Variants in TBC1D24 observed in about 807,000 individuals in gnomAD.
TBC1D24 encodes Infantile myoclonic epilepsy.
A neutral mutation model predicts 50.7 loss-of-function variants in TBC1D24; 47 were observed. That is an observed-to-expected ratio of 0.93 (90% CI 0.73 to 1.18). The LOEUF is 1.18. TBC1D24 is among the 50% of genes most tolerant of loss of function. TBC1D24 has a pLI of 0.00. For synonymous variants in TBC1D24, 324 were observed against 335.2 expected (o/e 0.97, Z 0.36); for missense variants, 688 against 766.5 (o/e 0.90, Z 1.21).
Position 2,498,442 on chromosome 16 carries a change from C to T in TBC1D24, c.1142+46C>T, listed in dbSNP as rs752291350. On this transcript the variant is annotated intron_variant, in intron 4 of 7. Transcript: ENST00000646147. ...AGCGGGCGGCAGAGCCGCCCAGCCA[C>T]GTGTCCTGCCCACAGAGGCTGGAAA... is the stretch of plus-strand genomic sequence containing the variant. 7.7e-6 allele frequency: 12 copies of T among 1,552,058 alleles called. No homozygotes were observed. The East Asian group carries it at 1.2e-4, about 15-fold the overall frequency.
intron 1 of TBC1D24, among the ~76,000 whole-genome samples, chr16:2,492,140 G>C (rs2065700433): frequency 6.6e-6 from 1 of 152,142 alleles, no homozygotes; most frequent in Non-Finnish European, 1.5e-5. Flanking sequence ...TTGCTGGCCT[G>C]GACCTGGTTT....
At position 2,485,766 on chromosome 16, in the gene TBC1D24, C is replaced by G. The variant is rs1384130275; in HGVS notation, c.-115-10268C>G. Among the ~76,000 whole-genome samples, 2 of 152,182 alleles carry G rather than the reference C, an allele frequency of 1.3e-5. No homozygotes were observed. Among genetic ancestry groups the G allele is most frequent in the African/African-American group, 4.8e-5 (2 of 41,440 alleles). ...TGGATTGCTTGCTGCCGGGAGAAAC[C>G]CCCGCATCTTCTGGGTCGCAGATCC... On this transcript the variant is annotated intron_variant, in intron 1 of 7. Coordinates refer to ENST00000646147, the MANE Select transcript of TBC1D24 (RefSeq NM_001199107.2). This position sits in a 1 kb window ranked among gnomAD's most constrained non-coding sequence, Gnocchi z 4.6.
rs2065791155 is a variant in TBC1D24, at chr16:2,501,168, CAG to C, written c.*213_*214del. The C allele has an allele frequency of 1.6e-6, 1 of 640,016 alleles. No homozygotes were observed. Among genetic ancestry groups the C allele is most frequent in the African/African-American group, 1.8e-5 (1 of 54,600 alleles). 39.6% of individuals were successfully genotyped at this position (640,016 alleles called of 1,614,324 possible). A position where few individuals can be genotyped will look rare whatever the true frequency, so the allele number is the denominator to read the frequency against. On this transcript the variant is annotated 3_prime_UTR_variant, in exon 8 of 8. Transcript: ENST00000646147. ...TTCCCCAGTCCACCTGCATCTGGGT[CAG>C]AGCTGGAGGGCCTGCTGTGCCCCCA...
In TBC1D24 at chr16:2,499,457, G is replaced by A; in HGVS notation, c.1206+37G>A. On this transcript the variant is annotated intron_variant, in intron 5 of 7. Transcript: ENST00000646147. This position sits in a 1 kb window ranked among gnomAD's most constrained non-coding sequence, Gnocchi z 4.0. Reference sequence around the variant, plus strand: ...CCCTGGAGCCAGGGCTGGCTCTGATGGGCTCCAGGGCTGGCTCTGATGGGC... The same window carrying A: ...CCCTGGAGCCAGGGCTGGCTCTGATAGGCTCCAGGGCTGGCTCTGATGGGC... The A allele has an allele frequency of 6.4e-7, 1 of 1,567,310 alleles. No homozygotes were observed. The highest frequency in any genetic ancestry group is 8.7e-7 in the Non-Finnish European group (1 of 1,144,988).
Position 2,485,859 on chromosome 16 carries a change from A to G in TBC1D24, c.-115-10175A>G, listed in dbSNP as rs1365507789. On this transcript the variant is annotated intron_variant, in intron 1 of 7. Coordinates refer to ENST00000646147, the MANE Select transcript of TBC1D24 (RefSeq NM_001199107.2). This position sits in a 1 kb window ranked among gnomAD's most constrained non-coding sequence, Gnocchi z 4.6. ...GTATGAGAGTTTTTCCAAAGAGTCC[A>G]GACACGCTTCCAGGCCCTCTCAGCC... Among the ~76,000 whole-genome samples, 1 of 152,210 alleles carries G rather than the reference A, an allele frequency of 6.6e-6. No individual in the cohort carries two copies. The highest frequency in any genetic ancestry group is 1.9e-4 in the East Asian group (1 of 5,196).
rs1231895398 is a variant in TBC1D24 at position 2,499,250 on chromosome 16, C to T, written c.1143-107C>T. 4 of 1,000,850 alleles carry T rather than the reference C, an allele frequency of 4.0e-6. No homozygotes were observed. The highest frequency in any genetic ancestry group is 2.0e-4 in the Middle Eastern group (1 of 4,904). The allele number at this position is 1,000,850 out of a possible 1,614,324, so 62.0% of individuals were successfully genotyped here. On this transcript the variant is annotated intron_variant, in intron 4 of 7. Coordinates refer to ENST00000646147, the MANE Select transcript of TBC1D24 (RefSeq NM_001199107.2). The surrounding 1 kb of genome is among the most constrained non-coding windows in gnomAD (Gnocchi z 4.0). The stretch of plus-strand genomic sequence containing the variant: ...TTGTCGGGACCCAGAGAGAAGGAAG[C>T]ACAGTTCCCAGGTCTTCGCCCCAAG...
chr16:2,499,429 G>A lies in TBC1D24; in HGVS notation c.1206+9G>A, dbSNP rs758387784. On this transcript the variant is annotated intron_variant, in intron 5 of 7. Coordinates refer to ENST00000646147, the MANE Select transcript of TBC1D24 (RefSeq NM_001199107.2). This position sits in a 1 kb window ranked among gnomAD's most constrained non-coding sequence, Gnocchi z 4.0. ...AGACCACGCAGAAGGAGGTGAGCAG[G>A]GGCCCTGGAGCCAGGGCTGGCTCTG... 1.2e-6 allele frequency: 2 copies of A among 1,612,788 alleles called. No individual in the cohort carries two copies. Among genetic ancestry groups the A allele is most frequent in the Non-Finnish European group, 8.5e-7 (1 of 1,179,552 alleles).
At chr16:2,498,502 C>A in intron 4 of TBC1D24, 106 bp downstream of exon 4, 1 of 1,089,574 alleles carries the variant, frequency 9.2e-7, no homozygotes, top group Non-Finnish European at 1.3e-6. Context: ...TGAGGCCCTG[C>A]TTCTTCCTGT....
chr16:2,497,365 G>A (rs952607714), intron 2 of TBC1D24, among the ~76,000 whole-genome samples: 1 of 152,232 alleles, frequency 6.6e-6, no homozygotes, highest in Non-Finnish European at 1.5e-5. Context: ...CCATGGGGTC[G>A]CAAGGCATCG....
intron 1 of TBC1D24, chr16:2,484,791 G>C (rs1255916686): frequency 6.6e-6 from 1 of 152,266 alleles, no homozygotes; most frequent in East Asian, 1.9e-4. Context: ...GGATTTATTT[G>C]TGTCTCTGAG....
rs76452496 is a variant in TBC1D24, at chr16:2,495,362, A to G, written c.-115-672A>G. On this transcript the variant is annotated intron_variant, in intron 1 of 7. Coordinates refer to ENST00000646147, the MANE Select transcript of TBC1D24 (RefSeq NM_001199107.2). The stretch of plus-strand genomic sequence containing the variant: ...GACCTTGTCTCAAACAAAACAAAAC[A>G]AGGCCGGGCACAGTGGCTCATGCCT... 9.9e-3 allele frequency among the ~76,000 whole-genome samples: 1,509 copies of G among 152,166 alleles called. 23 individuals carry two copies. The highest frequency in any genetic ancestry group is 0.035 in the African/African-American group (1,458 of 41,522).
intron 1 of TBC1D24, among the ~76,000 whole-genome samples, chr16:2,476,366 C>A (rs1048924306): frequency 3.7e-4 from 56 of 152,294 alleles, no homozygotes; most frequent in African/African-American, 1.3e-3. Context: ...GCGGCGAAGA[C>A]AAGCAGTCAG....
rs916582817 is a variant in TBC1D24 at position 2,485,965 on chromosome 16, G to A, written c.-115-10069G>A. Among the ~76,000 whole-genome samples the A allele has an allele frequency of 1.3e-5, 2 of 152,178 alleles. No individual in the cohort carries two copies. Among genetic ancestry groups the A allele is most frequent in the Non-Finnish European group, 2.9e-5 (2 of 68,032 alleles). On this transcript the variant is annotated intron_variant, in intron 1 of 7. Transcript: ENST00000646147. This position sits in a 1 kb window ranked among gnomAD's most constrained non-coding sequence, Gnocchi z 4.6. Reference sequence around the variant, plus strand: ...GTTTCCGGGCACTCCGAGCTTCCCTGGCAGGCAACAAAGCTCTCATCCCTG... The same window carrying A: ...GTTTCCGGGCACTCCGAGCTTCCCTAGCAGGCAACAAAGCTCTCATCCCTG...
rs1249410175 is a variant in TBC1D24 at position 2,500,538 on chromosome 16, C to G, written c.1525+48C>G. 2 of 1,517,584 alleles carry G rather than the reference C, an allele frequency of 1.3e-6. No homozygotes were observed. Among genetic ancestry groups the G allele is most frequent in the Admixed American group, 3.9e-5 (2 of 50,742 alleles). 94.0% of individuals were successfully genotyped at this position (1,517,584 alleles called of 1,614,324 possible). On this transcript the variant is annotated intron_variant, in intron 7 of 7. Coordinates refer to ENST00000646147, the MANE Select transcript of TBC1D24 (RefSeq NM_001199107.2). The surrounding 1 kb of genome is among the most constrained non-coding windows in gnomAD (Gnocchi z 8.0). Reference sequence around the variant, plus strand: ...CTGGGATGAGGGTGTGGGGTCCGGGCAGCTGAAGCTGCTGCACCCAGCCCT... The same window carrying G: ...CTGGGATGAGGGTGTGGGGTCCGGGGAGCTGAAGCTGCTGCACCCAGCCCT...
intron 1 of TBC1D24, among the ~76,000 whole-genome samples, chr16:2,492,090 T>A (rs1305754874): frequency 6.6e-6 from 1 of 152,150 alleles, no homozygotes; most frequent in Non-Finnish European, 1.5e-5. Flanking sequence ...TCCTCCTGCC[T>A]GAGCCTCCCA....
At chr16:2,495,866 C>G (rs1417253158) in intron 1 of TBC1D24, among the ~76,000 whole-genome samples, 168 bp from the exon 2 acceptor site, 1 of 151,974 alleles carries the variant, frequency 6.6e-6, no homozygotes, top group Non-Finnish European at 1.5e-5. Context: ...TCAAGCCATT[C>G]AAGGCTGCAG....
intron 3 of TBC1D24, 126 bp downstream of exon 3, chr16:2,497,853 C>A (rs1596969851): frequency 1.0e-6 from 1 of 971,048 alleles, no homozygotes; most frequent in East Asian, 2.6e-5. Context: ...TGCCTCTGAG[C>A]CGGACTGATG....
At chr16:2,498,207 T>G in intron 3 of TBC1D24, 31 bp from the exon 4 acceptor site, 1 of 1,573,222 alleles carries the variant, frequency 6.4e-7, no homozygotes, top group Non-Finnish European at 8.6e-7. Flanking sequence ...AGACGTGCCT[T>G]CGGGCTCTGA....
intron 2 of TBC1D24, among the ~76,000 whole-genome samples, 165 bp downstream of exon 2, chr16:2,497,278 G>T (rs559016274): frequency 2.0e-5 from 3 of 152,356 alleles, no homozygotes; most frequent in African/African-American, 7.2e-5. Flanking sequence ...GGCCTTCCCA[G>T]TTACAGCCAC....
Sources: allele counts gnomAD v4.1 joint callset (sites outside exome capture counted in the v4.1 genomes callset), GRCh38; gene constraint gnomAD v4.1.1; non-coding constraint Gnocchi (gnomAD v3.1); transcripts MANE v1.5; gene names NCBI Gene and HGNC (gene_info 2026-07-23, HGNC 2026-07-21).